FOXP2: variants seen among roughly 807,000 people sequenced by gnomAD.
FOXP2 encodes forkhead box P2, also known as forkhead box protein P2.
FOXP2 carries 12 observed loss-of-function variants against 115.8 expected under a neutral mutation model. That is an observed-to-expected ratio of 0.10 (90% confidence interval 0.07 to 0.17). The LOEUF (loss-of-function observed/expected upper bound fraction) is 0.17, where lower values mean the gene tolerates loss of function less well. Ranked by LOEUF, FOXP2 falls within the 10% of genes least tolerant of loss-of-function variation. The probability of loss-of-function intolerance (pLI) is 1.00; values close to 1 mark genes in which losing one functional copy is unlikely to be tolerated. For synonymous variants in FOXP2, 328 were observed against 297.7 expected (o/e 1.10, Z -1.05); for missense variants, 629 against 843.5 (o/e 0.75, Z 3.15).
intron 1 of FOXP2, among the ~76,000 whole-genome samples, chr7:114,418,589 C>T (rs896899534): frequency 6.6e-6 from 1 of 151,570 alleles, no homozygotes; most frequent in African/African-American, 2.4e-5. Flanking sequence ...ACAGAACAGA[C>T]GTCATGAAGG....
At chr7:114,664,223 A>T in intron 15 of FOXP2, 50 bp from the exon 16 acceptor site, 2 of 1,589,034 alleles carry the variant, frequency 1.3e-6, no homozygotes, top group Non-Finnish European at 1.7e-6. Context: ...TTTAAAAATT[A>T]TTTTAAATGC....
intron 2 of FOXP2, among the ~76,000 whole-genome samples, chr7:114,294,034 T>C (rs1438388762): frequency 1.3e-5 from 2 of 152,270 alleles, no homozygotes; most frequent in East Asian, 3.9e-4. Flanking sequence ...ATATAAAGAT[T>C]AACAGTCTAT....
intron 2 of FOXP2, among the ~76,000 whole-genome samples, chr7:114,510,089 T>C (rs1019944211): frequency 6.6e-6 from 1 of 152,152 alleles, no homozygotes; most frequent in Non-Finnish European, 1.5e-5. Flanking sequence ...AAGCTCACAA[T>C]GCATTTTTGT....
At chr7:114,530,835 A>T (rs1056771838) in intron 2 of FOXP2, among the ~76,000 whole-genome samples, 1 of 151,868 alleles carries the variant, frequency 6.6e-6, no homozygotes, top group African/African-American at 2.4e-5. Flanking sequence ...GTTAGGAATG[A>T]TGTTTTCAGT....
At chr7:114,598,393 CAGA>C (rs1802838274) in intron 3 of FOXP2, among the ~76,000 whole-genome samples, 1 of 152,078 alleles carries the variant, frequency 6.6e-6, no homozygotes, top group African/African-American at 2.4e-5. Flanking sequence ...TGCCTTACAA[CAGA>C]AGAATTGGAT....
intron 1 of FOXP2, among the ~76,000 whole-genome samples, chr7:114,252,706 G>A (rs1562837532): frequency 6.6e-6 from 1 of 152,008 alleles, no homozygotes; most frequent in Admixed American, 6.6e-5. Context: ...AGTCTCGCTA[G>A]CGTTCTATCA....
intron 2 of FOXP2, among the ~76,000 whole-genome samples, chr7:114,355,508 A>G (rs1791598587): frequency 6.6e-6 from 1 of 152,158 alleles, no homozygotes; most frequent in Non-Finnish European, 1.5e-5. Flanking sequence ...AGTTTCTCTG[A>G]AGACTTTTCC....
At chr7:114,150,832 A>T (rs946601334) in intron 1 of FOXP2, among the ~76,000 whole-genome samples, 9 of 151,996 alleles carry the variant, frequency 5.9e-5, no homozygotes, top group African/African-American at 2.2e-4. Flanking sequence ...ATACAAGCAG[A>T]ATGTTTTTGA....
chr7:114,481,816 C>CTATCTATCTATA (rs1796558989), intron 2 of FOXP2, among the ~76,000 whole-genome samples: 1 of 144,330 alleles, frequency 6.9e-6, no homozygotes, highest in African/African-American at 2.6e-5. Flanking sequence ...ATCTATATAT[C>CTATCTATCTATA]TATCTATCTA....
At chr7:114,151,980 G>T (rs760122485) in intron 1 of FOXP2, among the ~76,000 whole-genome samples, 5 of 152,040 alleles carry the variant, frequency 3.3e-5, no homozygotes, top group Non-Finnish European at 5.9e-5. Flanking sequence ...AAGTAAGAGA[G>T]ACTAAGAAAC....
At chr7:114,568,455 G>T (rs1801130489) in intron 3 of FOXP2, among the ~76,000 whole-genome samples, 3 of 149,880 alleles carry the variant, frequency 2.0e-5, no homozygotes, top group African/African-American at 7.4e-5. Flanking sequence ...ATTTTGTTTT[G>T]TTTTTGTTTG....
At chr7:114,326,681 A>T (rs1247665443) in intron 2 of FOXP2, among the ~76,000 whole-genome samples, 1 of 152,166 alleles carries the variant, frequency 6.6e-6, no homozygotes. Context: ...TATTTACCAG[A>T]TATTGATAGA....
intron 16 of FOXP2, among the ~76,000 whole-genome samples, chr7:114,677,851 A>G (rs919163314): frequency 1.3e-5 from 2 of 152,228 alleles, no homozygotes; most frequent in Admixed American, 6.5e-5. Context: ...AATGACCCAT[A>G]GATGAGTTTC....
At chr7:114,176,329 T>C (rs1332171917) in intron 1 of FOXP2, among the ~76,000 whole-genome samples, 2 of 144,870 alleles carry the variant, frequency 1.4e-5, no homozygotes, top group Non-Finnish European at 3.0e-5. Flanking sequence ...TCTTTCTTTT[T>C]CTTTCTTTCT....
chr7:114,664,565 C>A (rs750992761), intron 16 of FOXP2, 129 bp downstream of exon 16: 5 of 1,094,890 alleles, frequency 4.6e-6, no homozygotes, highest in Non-Finnish European at 5.3e-6. Flanking sequence ...TTAAATTATA[C>A]CACGTTCATA....
Position 114,564,878 on chromosome 7 carries a change from C to CAAAAAAA in FOXP2, c.258+30184_258+30190dup, listed in dbSNP as rs35022872. Among the ~76,000 whole-genome samples the CAAAAAAA allele has an allele frequency of 7.9e-5, 7 of 88,124 alleles. No individual in the cohort carries two copies. The East Asian group carries it at 2.1e-3, about 27-fold the overall frequency. The allele number at this position is 88,124 out of a possible 152,430, so 57.8% of individuals were successfully genotyped here. ...CCTTGGCAACAGAGCAAGGCCCTGT[C>CAAAAAAA]AAAAAAAAAAAAAAAAAATCTAGAA... On this transcript the variant is annotated intron_variant, in intron 3 of 16. Coordinates refer to ENST00000350908, the MANE Select transcript of FOXP2 (RefSeq NM_014491.4).
chr7:114,504,361 A>G (rs894390244), intron 2 of FOXP2, among the ~76,000 whole-genome samples: 2 of 151,716 alleles, frequency 1.3e-5, no homozygotes, highest in Admixed American at 1.3e-4. Flanking sequence ...TTGAGCCATG[A>G]TGATAGTATC....
At chr7:114,138,670 C>A (rs543688832) in intron 1 of FOXP2, among the ~76,000 whole-genome samples, 3 of 152,112 alleles carry the variant, frequency 2.0e-5, no homozygotes, top group Admixed American at 6.5e-5. Flanking sequence ...GGATTACAGG[C>A]GTGAGCCACC....
intron 1 of FOXP2, among the ~76,000 whole-genome samples, chr7:114,126,287 A>G (rs1025841464): frequency 2.0e-5 from 3 of 152,170 alleles, no homozygotes; most frequent in African/African-American, 7.2e-5. Context: ...ATTCAAAACT[A>G]TAGTAGCATA....
Sources: gnomAD v4.1 joint callset for allele counts (sites outside exome capture counted in the v4.1 genomes callset) on GRCh38, gnomAD v4.1.1 for gene constraint, MANE v1.5 for transcripts, NCBI Gene and HGNC (gene_info 2026-07-23, HGNC 2026-07-21) for gene names.